The following LIPG variants were observed in gnomAD, a reference collection of about 807,000 sequenced individuals.
LIPG encodes the protein endothelial lipase.
A neutral mutation model predicts 51.8 loss-of-function variants in LIPG; 34 were observed. That is an observed-to-expected ratio of 0.66 (90% CI 0.50 to 0.87). The LOEUF is 0.87. Among genes scored for constraint, LIPG ranks in the 40% least tolerant of loss-of-function variants. The pLI is 0.00. For missense variants in LIPG, 580 were observed against 652.7 expected (o/e 0.89, Z 1.21); for synonymous variants, 246 against 246.1 (o/e 1.00, Z 0.00).
chr18:49,572,749 AAAAGT>A (rs2084676845), intron 4 of LIPG, among the ~76,000 whole-genome samples: 1 of 149,234 alleles, frequency 6.7e-6, no homozygotes, highest in Non-Finnish European at 1.5e-5. Flanking sequence ...AAAAAAAAAA[AAAAGT>A]AGCCGTTGAA....
intron 8 of LIPG, among the ~76,000 whole-genome samples, chr18:49,584,773 G>GC (rs1600566908): frequency 6.6e-6 from 1 of 152,298 alleles, no homozygotes; most frequent in East Asian, 1.9e-4. Flanking sequence ...CTGGGCCCTT[G>GC]CAGGTACAAA....
chr18:49,562,215 A>G lies in LIPG; in HGVS notation c.-94A>G. The G allele has an allele frequency of 6.2e-7, 1 of 1,602,448 alleles. No individual in the cohort carries two copies. Among genetic ancestry groups the G allele is most frequent in the Non-Finnish European group, 8.5e-7 (1 of 1,176,092 alleles). Reference sequence around the variant, plus strand: ...CAGTCCCCCAGCCCCTGGCCGAGAGAAGGGTCTTACCGGCCGGGATTGCTG... The same window carrying G: ...CAGTCCCCCAGCCCCTGGCCGAGAGGAGGGTCTTACCGGCCGGGATTGCTG... On this transcript the variant is annotated 5_prime_UTR_variant, in exon 1 of 10. Coordinates refer to ENST00000261292, the MANE Select transcript of LIPG (RefSeq NM_006033.4).
Position 49,567,569 on chromosome 18 carries a change from A to G in LIPG, c.407A>G (p.Asn136Ser), listed in dbSNP as rs768534590. ...CACCAGCTTTACACGGATGCGGTCAATAATACCAGGGTGGTGGGACACAGC... is the reference window on the plus strand; with the variant it reads ...CACCAGCTTTACACGGATGCGGTCAGTAATACCAGGGTGGTGGGACACAGC... ...LAHQLYTDAV[N>S]NTRVVGHSIA... The change falls in exon 3 of 10, where the codon AAT (asparagine) becomes AGT (serine). Residue 136 changes from asparagine (N) to serine (S), a missense_variant. Physicochemically the swap from Asn to Ser is conservative, Grantham distance 46. Coordinates refer to ENST00000261292, the MANE Select transcript of LIPG (RefSeq NM_006033.4). The G allele has an allele frequency of 6.2e-7, 1 of 1,614,168 alleles. No individual in the cohort carries two copies. Among genetic ancestry groups the G allele is most frequent in the Admixed American group, 1.7e-5 (1 of 60,006 alleles).
Position 49,584,195 on chromosome 18 carries a change from T to A in LIPG, c.1376+421T>A, listed in dbSNP as rs142033870. Among the ~76,000 whole-genome samples, 623 of 152,326 alleles carry A rather than the reference T, an allele frequency of 4.1e-3. 5 individuals are homozygous for A. Among genetic ancestry groups the A allele is most frequent in the African/African-American group, 0.014 (597 of 41,566 alleles). On this transcript the variant is annotated intron_variant, in intron 8 of 9. Coordinates refer to ENST00000261292, the MANE Select transcript of LIPG (RefSeq NM_006033.4). Reference sequence around the variant, plus strand: ...GAGTATCACTTCCAGAGAGCCCCCATGGATGAGGTCTGTGGGAGGAACTGG... The same window carrying A: ...GAGTATCACTTCCAGAGAGCCCCCAAGGATGAGGTCTGTGGGAGGAACTGG...
At chr18:49,582,910 A>G (rs961645321) in intron 7 of LIPG, among the ~76,000 whole-genome samples, 2 of 152,272 alleles carry the variant, frequency 1.3e-5, no homozygotes, top group Admixed American at 6.5e-5. Context: ...GGGACAAAGC[A>G]TCATGCCAAG....
At chr18:49,590,348 G>A in intron 9 of LIPG, 153 bp from the exon 10 acceptor site, 1 of 840,598 alleles carries the variant, frequency 1.2e-6, no homozygotes, top group Non-Finnish European at 2.0e-6. Flanking sequence ...TCGGGACCTT[G>A]TCCATTTATT....
At chr18:49,589,796 T>C (rs2084920896) in intron 9 of LIPG, 1 of 153,708 alleles carries the variant, frequency 6.5e-6, no homozygotes. Flanking sequence ...TTATTCTTCT[T>C]TCCCGCTTTG....
At chr18:49,588,389 T>A (rs1289692073) in intron 9 of LIPG, among the ~76,000 whole-genome samples, 1 of 151,892 alleles carries the variant, frequency 6.6e-6, no homozygotes, top group Non-Finnish European at 1.5e-5. Flanking sequence ...TCCAAGTGAT[T>A]CTCCTTCCTC....
At chr18:49,573,450 T>TG (rs1209179519) in intron 4 of LIPG, among the ~76,000 whole-genome samples, 2 of 152,142 alleles carry the variant, frequency 1.3e-5, no homozygotes, top group African/African-American at 4.8e-5. Context: ...TGCAGTGGCT[T>TG]ATGCCTGTAA....
chr18:49,594,015 CCTT>C lies in LIPG; in HGVS notation c.*3496_*3498del, dbSNP rs1301453493. On this transcript the variant is annotated 3_prime_UTR_variant, in exon 10 of 10. Transcript: ENST00000261292. ...TTGTGTTGGGAACATTCAATATCCTCCTTCTAGTTACTTGAAACCATATTTTAT... is the reference window on the plus strand; with the variant it reads ...TTGTGTTGGGAACATTCAATATCCTCCTAGTTACTTGAAACCATATTTTAT... The C allele has an allele frequency of 6.6e-6, 1 of 152,204 alleles. No individual in the cohort carries two copies. The highest frequency in any genetic ancestry group is 1.5e-5 in the Non-Finnish European group (1 of 68,034). The allele number at this position is 152,204 out of a possible 1,614,324, so 9.4% of individuals were successfully genotyped here.
chr18:49,577,654 C>T (rs1255078917), intron 5 of LIPG, among the ~76,000 whole-genome samples: 2 of 140,050 alleles, frequency 1.4e-5, no homozygotes, highest in African/African-American at 2.8e-5. Context: ...GGGCTGACCC[C>T]CCCACCTCCC....
At chr18:49,564,642 A>G (rs983900736) in intron 1 of LIPG, among the ~76,000 whole-genome samples, 1 of 152,254 alleles carries the variant, frequency 6.6e-6, no homozygotes, top group Non-Finnish European at 1.5e-5. Flanking sequence ...CAGCAGGTCA[A>G]CAGCCTCTTG....
At chr18:49,569,623 GTGAGT>G in intron 4 of LIPG, 75 bp downstream of exon 4, 1 of 1,168,100 alleles carries the variant, frequency 8.6e-7, no homozygotes, top group East Asian at 2.5e-5. Context: ...AGGCAGCAGA[GTGAGT>G]CATAGAAAGT....
chr18:49,593,278 A>G lies in LIPG; in HGVS notation c.*2756A>G, dbSNP rs1320120064. 2 of 152,182 alleles carry G rather than the reference A, an allele frequency of 1.3e-5. No individual in the cohort carries two copies. Among genetic ancestry groups the G allele is most frequent in the Admixed American group, 6.5e-5 (1 of 15,272 alleles). The allele number at this position is 152,182 out of a possible 1,614,324, so 9.4% of individuals were successfully genotyped here. A position where few individuals can be genotyped will look rare whatever the true frequency, so the allele number is the denominator to read the frequency against. ...TGAAAGAATATAGCTGCCCCAACCTAGAGTCTGACAAAAAGTTACTCTAAT... is the reference window on the plus strand; with the variant it reads ...TGAAAGAATATAGCTGCCCCAACCTGGAGTCTGACAAAAAGTTACTCTAAT... On this transcript the variant is annotated 3_prime_UTR_variant, in exon 10 of 10. Coordinates refer to ENST00000261292, the MANE Select transcript of LIPG (RefSeq NM_006033.4).
rs1022461986 is a variant in LIPG, at chr18:49,595,046, C to T, written c.*4524C>T. The stretch of plus-strand genomic sequence containing the variant: ...CTCCAAACAAGCTGAAGCCCCAGAC[C>T]CCTTGGAAGGATGGATACAAAGTAG... On this transcript the variant is annotated 3_prime_UTR_variant, in exon 10 of 10. Coordinates refer to ENST00000261292, the MANE Select transcript of LIPG (RefSeq NM_006033.4). 3.9e-5 allele frequency: 6 copies of T among 152,152 alleles called. No homozygotes were observed. Among genetic ancestry groups the T allele is most frequent in the Non-Finnish European group, 8.8e-5 (6 of 68,044 alleles). 9.4% of individuals were successfully genotyped at this position (152,152 alleles called of 1,614,324 possible). A position where few individuals can be genotyped will look rare whatever the true frequency, so the allele number is the denominator to read the frequency against.
chr18:49,582,329 G>A, intron 6 of LIPG, 33 bp from the exon 7 acceptor site: 1 of 1,613,970 alleles, frequency 6.2e-7, no homozygotes, highest in Non-Finnish European at 8.5e-7. Context: ...ACAAGCAAGG[G>A]TTACAAGCAT....
chr18:49,577,803 C>A (rs1456898440), intron 5 of LIPG, among the ~76,000 whole-genome samples: 2 of 117,234 alleles, frequency 1.7e-5, no homozygotes, highest in Admixed American at 7.5e-5. Context: ...GGCTGACCCC[C>A]CCACCTCCCT....
At position 49,562,415 on chromosome 18, in the gene LIPG, A is replaced by G; in HGVS notation, c.97+10A>G. The G allele has an allele frequency of 6.2e-7, 1 of 1,610,188 alleles. No individual in the cohort carries two copies. Among genetic ancestry groups the G allele is most frequent in the Non-Finnish European group, 8.5e-7 (1 of 1,176,584 alleles). On this transcript the variant is annotated intron_variant, in intron 1 of 9. Transcript: ENST00000261292. The stretch of plus-strand genomic sequence containing the variant: ...GAGGGACGGCTGGAAGGTAACGTGA[A>G]TTTGTTTTTATTCCCCCCAGCCACT...
intron 8 of LIPG, among the ~76,000 whole-genome samples, 182 bp downstream of exon 8, chr18:49,583,956 C>T (rs540064772): frequency 7.0e-4 from 106 of 152,292 alleles, no homozygotes; most frequent in Middle Eastern, 3.4e-3. Flanking sequence ...AAAACTGTTA[C>T]GCATCTCATG....
Sources: allele counts gnomAD v4.1 joint callset (sites outside exome capture counted in the v4.1 genomes callset), GRCh38; gene constraint gnomAD v4.1.1; transcripts MANE v1.5; gene names NCBI Gene and HGNC (gene_info 2026-07-23, HGNC 2026-07-21).